Variants in ZNF700 observed in about 807,000 individuals in gnomAD.
The protein encoded by ZNF700 is zinc finger protein 700.
A neutral mutation model predicts 65.3 loss-of-function variants in ZNF700; 38 were observed. The observed-to-expected ratio is 0.58, with a 90% CI of 0.45 to 0.76. The LOEUF is 0.76. Among genes scored for constraint, ZNF700 ranks in the 30% least tolerant of loss-of-function variants. The pLI is 0.00. For missense variants in ZNF700, 857 were observed against 888.4 expected, an observed-to-expected ratio of 0.96 and a Z score of 0.45; for synonymous variants, 285 against 290.4, an observed-to-expected ratio of 0.98 and a Z score of 0.19.
In ZNF700 at chr19:11,936,918, C is replaced by T. The variant is rs537478382; in HGVS notation, c.64-10263C>T. On this transcript the variant is annotated intron_variant, in intron 1 of 3. Coordinates refer to ENST00000254321, the MANE Select transcript of ZNF700 (RefSeq NM_144566.3). ...GCTTTCTACATATGGCTAGCCAGTT[C>T]TCCCAGCACCATTTATTAAATAGGG... Among the ~76,000 whole-genome samples, 22 of 152,238 alleles carry T rather than the reference C, an allele frequency of 1.4e-4. No homozygotes were observed. In the South Asian group the frequency reaches 3.5e-3, roughly 24 times the overall value.
intron 1 of ZNF700, among the ~76,000 whole-genome samples, chr19:11,927,103 A>G (rs1405869190): frequency 6.6e-6 from 1 of 152,180 alleles, no homozygotes. Context: ...CTGTAATCCA[A>G]GCACTTTGGG....
Position 11,936,730 on chromosome 19 carries a change from T to A in ZNF700, c.64-10451T>A, listed in dbSNP as rs374739225. Among the ~76,000 whole-genome samples the A allele has an allele frequency of 2.0e-3, 308 of 152,342 alleles. 2 individuals carry two copies. The highest frequency in any genetic ancestry group is 6.8e-3 in the African/African-American group (284 of 41,590). On this transcript the variant is annotated intron_variant, in intron 1 of 3. Transcript: ENST00000254321. Reference sequence around the variant, plus strand: ...TGTCAATTTTGGCTTCTGTTGCCATTGCTTTTGGTGTTTTAGTCATGAAGT... The same window carrying A: ...TGTCAATTTTGGCTTCTGTTGCCATAGCTTTTGGTGTTTTAGTCATGAAGT...
chr19:11,925,111 A>C lies in ZNF700; in HGVS notation c.-100A>C, dbSNP rs1045903550. 6.9e-7 allele frequency: 1 copy of C among 1,443,232 alleles called. No individual in the cohort carries two copies. The highest frequency in any genetic ancestry group is 1.9e-5 in the Admixed American group (1 of 53,388). 89.4% of individuals were successfully genotyped at this position (1,443,232 alleles called of 1,614,324 possible). ...GGAAATGGAGGGGGTCGCTTTCCTC[A>C]CCTTCCTCGCTGCGCGGGCGGCGGT... is the stretch of plus-strand genomic sequence containing the variant. On this transcript the variant is annotated 5_prime_UTR_variant, in exon 1 of 4. Coordinates refer to ENST00000254321, the MANE Select transcript of ZNF700 (RefSeq NM_144566.3).
chr19:11,947,235 T>A lies in ZNF700; in HGVS notation c.118T>A (p.Leu40Met). 6.2e-7 allele frequency: 1 copy of A among 1,614,084 alleles called. No homozygotes were observed. Among genetic ancestry groups the A allele is most frequent in the Admixed American group, 1.7e-5 (1 of 59,990 alleles). The change falls in exon 2 of 4, where the codon TTG becomes ATG. Residue 40 changes from leucine to methionine, a missense_variant. Physicochemically the swap from Leu to Met is conservative, Grantham distance 15. Coordinates refer to ENST00000254321, the MANE Select transcript of ZNF700 (RefSeq NM_144566.3). ...AVNFTQEEWT[L>M]LDISQKNLFR... is the part of the protein sequence containing the mutation. ...GAACTTCACCCAGGAAGAGTGGACA[T>A]TGCTGGATATTTCCCAGAAGAATCT...
intron 1 of ZNF700, among the ~76,000 whole-genome samples, chr19:11,941,599 C>T (rs1024628227): frequency 6.6e-5 from 10 of 152,306 alleles, no homozygotes; most frequent in South Asian, 4.1e-4. Context: ...AGTGCGGGGC[C>T]GCCAAGCCCA....
At chr19:11,933,154 A>G (rs1972740166) in intron 1 of ZNF700, among the ~76,000 whole-genome samples, 1 of 147,246 alleles carries the variant, frequency 6.8e-6, no homozygotes, top group African/African-American at 2.7e-5. Flanking sequence ...GCTGTGCCTC[A>G]TACCTGTAAT....
intron 1 of ZNF700, among the ~76,000 whole-genome samples, chr19:11,936,686 A>G (rs1321450355): frequency 2.6e-5 from 4 of 152,098 alleles, no homozygotes; most frequent in Non-Finnish European, 5.9e-5. Context: ...GAAGCTCTTT[A>G]GTTTAATTAG....
At chr19:11,928,124 C>T (rs973022951) in intron 1 of ZNF700, among the ~76,000 whole-genome samples, 17 of 152,142 alleles carry the variant, frequency 1.1e-4, no homozygotes, top group African/African-American at 4.1e-4. Flanking sequence ...GTAGCTAAGA[C>T]TACAATTGCC....
At chr19:11,933,380 A>G (rs1394214221) in intron 1 of ZNF700, among the ~76,000 whole-genome samples, 1 of 148,346 alleles carries the variant, frequency 6.7e-6, no homozygotes, top group Non-Finnish European at 1.5e-5. Context: ...ATTATTACCT[A>G]AAGTCCATCT....
intron 3 of ZNF700, among the ~76,000 whole-genome samples, chr19:11,947,827 G>T (rs748243993): frequency 5.9e-5 from 9 of 152,114 alleles, no homozygotes; most frequent in Non-Finnish European, 1.2e-4. Context: ...GCAACATAAC[G>T]AGACCACATA....
At chr19:11,944,485 C>G (rs1272734113) in intron 1 of ZNF700, among the ~76,000 whole-genome samples, 3 of 152,180 alleles carry the variant, frequency 2.0e-5, no homozygotes, top group African/African-American at 7.2e-5. Flanking sequence ...TTGCTGTCTT[C>G]TGTACCAAGT....
chr19:11,948,650 T>C lies in ZNF700; in HGVS notation c.626T>C (p.Ile209Thr), dbSNP rs1267936203. ...CGKTFIFHSS[I>T]RRHMVMHSGD... ...AAAACCTTTATTTTCCATTCAAGCA[T>C]TCGAAGACACATGGTAATGCACAGT... The change falls in exon 4 of 4, where the codon ATT becomes ACT. Residue 209 changes from isoleucine to threonine, a missense_variant. Around this residue, in one of 3 missense-constraint regions of ZNF700, gnomAD observed 603 missense variants for 619.9 expected, o/e 0.97. Coordinates refer to ENST00000254321, the MANE Select transcript of ZNF700 (RefSeq NM_144566.3). 1 of 1,611,866 alleles carries C rather than the reference T, an allele frequency of 6.2e-7. No homozygotes were observed. Among genetic ancestry groups the C allele is most frequent in the South Asian group, 1.1e-5 (1 of 90,576 alleles).
chr19:11,929,232 C>T lies in ZNF700; in HGVS notation c.63+3959C>T, dbSNP rs181065228. On this transcript the variant is annotated intron_variant, in intron 1 of 3. Coordinates refer to ENST00000254321, the MANE Select transcript of ZNF700 (RefSeq NM_144566.3). Reference sequence around the variant, plus strand: ...CCAGGCTGGAGTGCAGGCGCGATCTCAGCTCACTGCAGCCTCCGCCTCCTG... The same window carrying T: ...CCAGGCTGGAGTGCAGGCGCGATCTTAGCTCACTGCAGCCTCCGCCTCCTG... 1.1e-3 allele frequency among the ~76,000 whole-genome samples: 158 copies of T among 148,612 alleles called. 2 individuals are homozygous for T. The highest frequency in any genetic ancestry group is 1.9e-3 in the Non-Finnish European group (131 of 67,948).
At chr19:11,944,131 T>G (rs1300157256) in intron 1 of ZNF700, among the ~76,000 whole-genome samples, 2 of 152,148 alleles carry the variant, frequency 1.3e-5, no homozygotes. Flanking sequence ...AATAAGCTAA[T>G]GGGGCGTTTC....
At chr19:11,934,524 T>G (rs1038742378) in intron 1 of ZNF700, among the ~76,000 whole-genome samples, 1 of 147,510 alleles carries the variant, frequency 6.8e-6, no homozygotes, top group Non-Finnish European at 1.5e-5. Flanking sequence ...TTTTTCTTTG[T>G]TTGTTTGTTT....
chr19:11,925,110 C>A lies in ZNF700; in HGVS notation c.-101C>A. 7.0e-7 allele frequency: 1 copy of A among 1,434,920 alleles called. No homozygotes were observed. The allele number at this position is 1,434,920 out of a possible 1,614,324, so 88.9% of individuals were successfully genotyped here. The stretch of plus-strand genomic sequence containing the variant: ...CGGAAATGGAGGGGGTCGCTTTCCT[C>A]ACCTTCCTCGCTGCGCGGGCGGCGG... On this transcript the variant is annotated 5_prime_UTR_variant, in exon 1 of 4. Coordinates refer to ENST00000254321, the MANE Select transcript of ZNF700 (RefSeq NM_144566.3).
intron 1 of ZNF700, among the ~76,000 whole-genome samples, chr19:11,943,913 G>C (rs751316827): frequency 2.6e-5 from 4 of 152,150 alleles, no homozygotes; most frequent in African/African-American, 4.8e-5. Flanking sequence ...GTCTTTTTCA[G>C]AGTCACTTTG....
rs915539236 is a variant in ZNF700 at position 11,944,748 on chromosome 19, C to T, written c.64-2433C>T. Among the ~76,000 whole-genome samples the T allele has an allele frequency of 4.6e-5, 7 of 152,310 alleles. No homozygotes were observed. In the East Asian group the frequency reaches 5.8e-4, roughly 13 times the overall value. On this transcript the variant is annotated intron_variant, in intron 1 of 3. Transcript: ENST00000254321. ...CCATAAGCTTGTATGCCAGCCGGGA[C>T]GGTTGGACCCTGCCTTGCATTGTGT... is the stretch of plus-strand genomic sequence containing the variant.
At position 11,925,329 on chromosome 19, in the gene ZNF700, G is replaced by A. The variant is rs144057449; in HGVS notation, c.63+56G>A. ...GGGGGAGGGGCTGCCTGGAACAGGCGGGAACCGGCTGTGGCGGGACCCGGG... is the reference window on the plus strand; with the variant it reads ...GGGGGAGGGGCTGCCTGGAACAGGCAGGAACCGGCTGTGGCGGGACCCGGG... On this transcript the variant is annotated intron_variant, in intron 1 of 3. Coordinates refer to ENST00000254321, the MANE Select transcript of ZNF700 (RefSeq NM_144566.3). 9,328 of 1,600,584 alleles carry A rather than the reference G, an allele frequency of 5.8e-3. 32 individuals carry two copies. Among genetic ancestry groups the A allele is most frequent in the South Asian group, 8.0e-3 (730 of 90,896 alleles).
Sources: gnomAD v4.1 joint callset for allele counts (sites outside exome capture counted in the v4.1 genomes callset) on GRCh38, gnomAD v4.1.1 for gene constraint, gnomAD v4.1.1 regional missense constraint, MANE v1.5 for transcripts, NCBI Gene and HGNC (gene_info 2026-07-23, HGNC 2026-07-21) for gene names.